The following UTRN variants were observed in gnomAD, a reference collection of about 807,000 sequenced individuals.
UTRN encodes the protein dystrophin-related protein 1.
A neutral mutation model predicts 463.9 loss-of-function variants in UTRN; 283 were observed. The ratio of observed to expected loss-of-function variants is 0.61; its 90% confidence interval spans 0.55 to 0.67. The LOEUF (loss-of-function observed/expected upper bound fraction) is 0.67. Ranked by LOEUF, UTRN falls within the 30% of genes least tolerant of loss-of-function variation. The pLI, the probability that UTRN is intolerant of heterozygous loss-of-function variation, is 0.00. For missense variants in UTRN, 3,922 were observed against 4,084.3 expected (o/e 0.96, Z 1.08); for synonymous variants, 1,442 against 1,431.5 (o/e 1.01, Z -0.17).
intron 51 of UTRN, among the ~76,000 whole-genome samples, chr6:144,619,284 T>C (rs1323449780): frequency 6.6e-6 from 1 of 152,196 alleles, no homozygotes; most frequent in Non-Finnish European, 1.5e-5. Context: ...CAATGTCATA[T>C]TCATTAGTAA....
chr6:144,595,526 A>G (rs929208286), intron 51 of UTRN, among the ~76,000 whole-genome samples: 2 of 152,130 alleles, frequency 1.3e-5, no homozygotes, highest in Non-Finnish European at 2.9e-5. Context: ...TTCCATATTG[A>G]GGTACATTCT....
intron 11 of UTRN, 92 bp downstream of exon 11, chr6:144,437,838 T>C (rs1786729572): frequency 7.5e-7 from 1 of 1,325,250 alleles, no homozygotes; most frequent in Non-Finnish European, 1.0e-6. Flanking sequence ...GAAAGCGAGA[T>C]GATTACAGAA....
At chr6:144,418,646 T>C (rs1784569425) in intron 3 of UTRN, among the ~76,000 whole-genome samples, 1 of 151,848 alleles carries the variant, frequency 6.6e-6, no homozygotes, top group African/African-American at 2.4e-5. Context: ...CCATCTCCTC[T>C]GGGTTCAAGC....
intron 56 of UTRN, among the ~76,000 whole-genome samples, chr6:144,752,727 T>G (rs567430307): frequency 6.6e-6 from 1 of 152,260 alleles, no homozygotes; most frequent in African/African-American, 2.4e-5. Flanking sequence ...ATATTTGTTC[T>G]TTATTCTTTT....
intron 13 of UTRN, among the ~76,000 whole-genome samples, chr6:144,441,564 G>A (rs1787164837): frequency 6.6e-6 from 1 of 152,228 alleles, no homozygotes; most frequent in Non-Finnish European, 1.5e-5. Flanking sequence ...ATGGGTCAGT[G>A]TTGAGTGTCT....
At chr6:144,293,857 G>C (rs1460300858) in intron 2 of UTRN, among the ~76,000 whole-genome samples, 2 of 151,828 alleles carry the variant, frequency 1.3e-5, no homozygotes, top group Non-Finnish European at 2.9e-5. Context: ...TAAAGTAGAA[G>C]ATTAAGCATT....
intron 65 of UTRN, among the ~76,000 whole-genome samples, chr6:144,809,175 T>C (rs1562937165): frequency 6.6e-6 from 1 of 152,130 alleles, no homozygotes; most frequent in Non-Finnish European, 1.5e-5. Context: ...TTCATACAAT[T>C]GCTGACAGTG....
intron 54 of UTRN, among the ~76,000 whole-genome samples, chr6:144,741,580 T>C (rs1244753584): frequency 6.6e-6 from 1 of 152,170 alleles, no homozygotes; most frequent in African/African-American, 2.4e-5. Context: ...TCTTTCCTTT[T>C]ATTGCCACCT....
intron 71 of UTRN, among the ~76,000 whole-genome samples, chr6:144,838,865 A>C (rs952642401): frequency 9.2e-5 from 14 of 152,222 alleles, no homozygotes; most frequent in Non-Finnish European, 1.8e-4. Flanking sequence ...GCTGATGTTT[A>C]AAATATGAGT....
chr6:144,550,344 A>AT (rs1266982475), intron 47 of UTRN, among the ~76,000 whole-genome samples: 10 of 152,226 alleles, frequency 6.6e-5, no homozygotes, highest in Non-Finnish European at 5.9e-5. Flanking sequence ...CACTATTTGT[A>AT]TTTTTTGTAA....
intron 52 of UTRN, among the ~76,000 whole-genome samples, chr6:144,679,477 G>T (rs960273740): frequency 1.3e-5 from 2 of 152,022 alleles, no homozygotes; most frequent in Non-Finnish European, 2.9e-5. Context: ...TAAACCAAAT[G>T]GTCTTGAATT....
intron 53 of UTRN, among the ~76,000 whole-genome samples, chr6:144,706,386 C>T (rs73591972): frequency 2.6e-5 from 4 of 152,036 alleles, no homozygotes; most frequent in East Asian, 1.9e-4. Flanking sequence ...CTCTTATTTA[C>T]GGTAGAGGAA....
intron 64 of UTRN, among the ~76,000 whole-genome samples, chr6:144,798,450 C>T (rs1777423741): frequency 6.6e-6 from 1 of 152,162 alleles, no homozygotes; most frequent in Non-Finnish European, 1.5e-5. Flanking sequence ...ATTAACCCGA[C>T]TTCTTCCCAT....
At chr6:144,781,188 A>G (rs371069023) in intron 60 of UTRN, among the ~76,000 whole-genome samples, 109 of 152,208 alleles carry the variant, frequency 7.2e-4, no homozygotes, top group African/African-American at 2.3e-3. Context: ...GTGAAGACCA[A>G]TGGATGTGGG....
intron 46 of UTRN, among the ~76,000 whole-genome samples, chr6:144,547,424 T>C (rs1798515007): frequency 6.6e-6 from 1 of 152,246 alleles, no homozygotes; most frequent in Non-Finnish European, 1.5e-5. Context: ...TGAGAGCTAC[T>C]TCAGTCCTCT....
intron 12 of UTRN, 49 bp from the exon 13 acceptor site, chr6:144,440,303 G>C (rs764562290): frequency 6.2e-7 from 1 of 1,605,518 alleles, no homozygotes; most frequent in African/African-American, 1.3e-5. Context: ...GTTTTAAATA[G>C]GTAAATGTGA....
At chr6:144,446,612 A>C (rs1230053059) in intron 14 of UTRN, among the ~76,000 whole-genome samples, 1 of 152,210 alleles carries the variant, frequency 6.6e-6, no homozygotes, top group Non-Finnish European at 1.5e-5. Flanking sequence ...TAGAAAACAC[A>C]CATTGTTGTC....
intron 61 of UTRN, 64 bp downstream of exon 61, chr6:144,782,187 C>A: frequency 7.2e-7 from 1 of 1,383,582 alleles, no homozygotes; most frequent in South Asian, 1.5e-5. Flanking sequence ...TAGAAAATGT[C>A]TGATTTTTAA....
intron 2 of UTRN, among the ~76,000 whole-genome samples, chr6:144,322,940 C>T (rs1173076333): frequency 1.5e-5 from 2 of 137,646 alleles, no homozygotes; most frequent in East Asian, 4.3e-4. Flanking sequence ...GAGACTCCGT[C>T]TCAAAAAAAA....
Sources: gnomAD v4.1 joint callset for allele counts (sites outside exome capture counted in the v4.1 genomes callset) on GRCh38, gnomAD v4.1.1 for gene constraint, MANE v1.5 for transcripts, NCBI Gene and HGNC (gene_info 2026-07-23, HGNC 2026-07-21) for gene names.